The following RNPC3 variants were observed in gnomAD, a reference collection of about 807,000 sequenced individuals.
RNPC3 encodes RNA binding region (RNP1, RRM) containing 3.
Under a neutral mutation model 67.5 loss-of-function variants are expected in RNPC3, and 48 were observed. The ratio of observed to expected loss-of-function variants is 0.71; its 90% CI spans 0.56 to 0.90. RNPC3 has a LOEUF of 0.90. Among genes scored for constraint, RNPC3 ranks in the 40% least tolerant of loss-of-function variants. The pLI is 0.00. For synonymous variants in RNPC3, 239 were observed against 210.3 expected (o/e 1.14, Z -1.18); for missense variants, 637 against 626.1 (o/e 1.02, Z -0.19).
At chr1:103,548,632 C>G (rs886715944) in intron 12 of RNPC3, among the ~76,000 whole-genome samples, 1 of 152,214 alleles carries the variant, frequency 6.6e-6, no homozygotes, top group South Asian at 2.1e-4. Context: ...GAGTTCCAAA[C>G]TTTCCCACAT....
At chr1:103,549,537 CT>C (rs1161123464) in intron 12 of RNPC3, among the ~76,000 whole-genome samples, 1 of 152,112 alleles carries the variant, frequency 6.6e-6, no homozygotes, top group Non-Finnish European at 1.5e-5. Flanking sequence ...AATTACTTTA[CT>C]GCATTTTTTG....
chr1:103,551,774 G>A lies in RNPC3; in HGVS notation c.1548G>A (p.Lys516=), dbSNP rs918871938. 1 of 1,499,968 alleles carries A rather than the reference G, an allele frequency of 6.7e-7. No homozygotes were observed. Among genetic ancestry groups the A allele is most frequent in the Non-Finnish European group, 9.0e-7 (1 of 1,111,468 alleles). The allele number at this position is 1,499,968 out of a possible 1,614,324, so 92.9% of individuals were successfully genotyped here. ...PKQDPKEGKR[K]C is the part of the protein sequence containing the mutation. ...AAGATCCTAAGGAAGGAAAAAGAAAGTGTTAAAAATTAATAAAGGTAAGTG... is the reference window on the plus strand; with the variant it reads ...AAGATCCTAAGGAAGGAAAAAGAAAATGTTAAAAATTAATAAAGGTAAGTG... Residue 516 remains lysine (K), a synonymous_variant, in exon 14 of 15, where the codon AAG becomes AAA. Coordinates refer to ENST00000423855, the MANE Select transcript of RNPC3 (RefSeq NM_017619.4).
chr1:103,550,920 A>G, intron 12 of RNPC3, 21 bp from the exon 13 acceptor site: 5 of 1,607,098 alleles, frequency 3.1e-6, no homozygotes, highest in Non-Finnish European at 4.2e-6. Flanking sequence ...TCTTTGAATC[A>G]AAACTGTTTC....
At chr1:103,533,966 G>A in intron 3 of RNPC3, 109 bp downstream of exon 3, 1 of 662,416 alleles carries the variant, frequency 1.5e-6, no homozygotes. Context: ...GTAATTGGAA[G>A]AGGAATGACA....
intron 7 of RNPC3, among the ~76,000 whole-genome samples, chr1:103,539,731 A>C (rs950290762): frequency 1.8e-4 from 28 of 152,192 alleles, no homozygotes; most frequent in Non-Finnish European, 1.2e-4. Context: ...GACCTAAACA[A>C]AAGAAAAATG....
At chr1:103,544,513 C>A (rs1651198470) in intron 9 of RNPC3, among the ~76,000 whole-genome samples, 1 of 151,676 alleles carries the variant, frequency 6.6e-6, no homozygotes, top group Non-Finnish European at 1.5e-5. Context: ...TTTACTATTG[C>A]AGAAAATACT....
intron 12 of RNPC3, among the ~76,000 whole-genome samples, chr1:103,548,398 C>T (rs1651299632): frequency 6.6e-6 from 1 of 152,066 alleles, no homozygotes; most frequent in African/African-American, 2.4e-5. Context: ...CGACAGATAC[C>T]CTAAATCATC....
intron 6 of RNPC3, 74 bp downstream of exon 6, chr1:103,536,268 G>A: frequency 9.8e-7 from 1 of 1,022,210 alleles, no homozygotes; most frequent in Non-Finnish European, 1.5e-6. Context: ...AATTATACAG[G>A]TGTTGTAGCA....
chr1:103,546,357 AT>A lies in RNPC3; in HGVS notation c.1302+23del, dbSNP rs1215813434. ...TTCAAGAAAAGGTAGGTATAAATTG[AT>A]TTTTTTTCATGTAAATGAAAATAAT... On this transcript the variant is annotated intron_variant, in intron 11 of 14. Transcript: ENST00000423855. The A allele has an allele frequency of 4.2e-5, 51 of 1,223,594 alleles. No homozygotes were observed. The highest frequency in any genetic ancestry group is 7.6e-5 in the South Asian group (5 of 65,606). 75.8% of individuals were successfully genotyped at this position (1,223,594 alleles called of 1,614,324 possible). A position where few individuals can be genotyped will look rare whatever the true frequency, so the allele number is the denominator to read the frequency against.
intron 12 of RNPC3, 116 bp downstream of exon 12, chr1:103,547,151 C>G (rs7529928): frequency 0.64 from 399,831 of 625,886 alleles, 130,916 homozygotes; most frequent in African/African-American, 0.84. Context: ...TGAAAAAGTT[C>G]GTCTATTCTG....
chr1:103,532,011 T>TGA (rs1278740457), intron 2 of RNPC3, among the ~76,000 whole-genome samples: 1 of 152,178 alleles, frequency 6.6e-6, no homozygotes, highest in Non-Finnish European at 1.5e-5. Flanking sequence ...TTGTATAAGG[T>TGA]GAGAGATGAG....
intron 3 of RNPC3, 41 bp downstream of exon 3, chr1:103,533,898 A>G (rs1570617583): frequency 9.5e-7 from 1 of 1,052,064 alleles, no homozygotes. Context: ...TTACATTTTT[A>G]AAGTGTGTGT....
Position 103,525,914 on chromosome 1 carries a change from G to T in RNPC3, c.-157G>T, listed in dbSNP as rs1302084374. 2 of 624,782 alleles carry T rather than the reference G, an allele frequency of 3.2e-6. No individual in the cohort carries two copies. The highest frequency in any genetic ancestry group is 5.5e-6 in the Non-Finnish European group (2 of 365,846). 38.7% of individuals were successfully genotyped at this position (624,782 alleles called of 1,614,324 possible). On this transcript the variant is annotated 5_prime_UTR_variant, in exon 1 of 15. Coordinates refer to ENST00000423855, the MANE Select transcript of RNPC3 (RefSeq NM_017619.4). ...CGAAGGGTTGCCGCTTTTCGGTGGCGCAGTTCTCGCGAGAAGGTGACTTTC... is the reference window on the plus strand; with the variant it reads ...CGAAGGGTTGCCGCTTTTCGGTGGCTCAGTTCTCGCGAGAAGGTGACTTTC...
In RNPC3 at chr1:103,541,424, A is replaced by C. The variant is rs1275294150; in HGVS notation, c.842A>C (p.Lys281Thr). ...PKTIKQRHVR[K>T]KRKIKDMLNT... Reference sequence around the variant, plus strand: ...ACAATAAAGCAGCGCCATGTGAGAAAAAAGAGAAAAATAAAGGATATGTTG... The same window carrying C: ...ACAATAAAGCAGCGCCATGTGAGAACAAAGAGAAAAATAAAGGATATGTTG... Residue 281 changes from lysine to threonine, a missense_variant, in exon 8 of 15, where the codon AAA becomes ACA. Lys to Thr is a moderately conservative substitution (Grantham distance 78). Coordinates refer to ENST00000423855, the MANE Select transcript of RNPC3 (RefSeq NM_017619.4). The C allele has an allele frequency of 2.9e-5, 43 of 1,494,150 alleles. No individual in the cohort carries two copies. Among genetic ancestry groups the C allele is most frequent in the Non-Finnish European group, 3.6e-5 (41 of 1,133,304 alleles). 92.6% of individuals were successfully genotyped at this position (1,494,150 alleles called of 1,614,324 possible).
At position 103,547,114 on chromosome 1, in the gene RNPC3, A is replaced by G. The variant is rs1401781887; in HGVS notation, c.1361+79A>G. 6 of 776,014 alleles carry G rather than the reference A, an allele frequency of 7.7e-6. No homozygotes were observed. In the East Asian group the frequency reaches 9.1e-5, roughly 12 times the overall value. 48.1% of individuals were successfully genotyped at this position (776,014 alleles called of 1,614,324 possible). The stretch of plus-strand genomic sequence containing the variant: ...AATTTACCACTATTTTAATCCCATC[A>G]TTTTCCTTTTAGAGATAAAAATTAT... On this transcript the variant is annotated intron_variant, in intron 12 of 14. Transcript: ENST00000423855.
At chr1:103,533,391 T>G (rs1650907760) in intron 2 of RNPC3, among the ~76,000 whole-genome samples, 1 of 152,028 alleles carries the variant, frequency 6.6e-6, no homozygotes, top group Admixed American at 6.6e-5. Context: ...TAATAAGTAA[T>G]TTTGTGGCAT....
intron 9 of RNPC3, among the ~76,000 whole-genome samples, chr1:103,544,180 G>T (rs1651190524): frequency 6.6e-6 from 1 of 151,642 alleles, no homozygotes; most frequent in Non-Finnish European, 1.5e-5. Flanking sequence ...GTGTGTTTGT[G>T]TGTGTGTATG....
rs529359493 is a variant in RNPC3 at position 103,552,131 on chromosome 1, T to G, written c.*12+339T>G. On this transcript the variant is annotated intron_variant, in intron 14 of 14. Transcript: ENST00000423855. ...ATAAAACACAGATTCGTAGGTTCCTTCCTTCCCTGAAAGAGTTGATTTGGT... is the reference window on the plus strand; with the variant it reads ...ATAAAACACAGATTCGTAGGTTCCTGCCTTCCCTGAAAGAGTTGATTTGGT... 2.7e-4 allele frequency: 43 copies of G among 158,046 alleles called. No individual in the cohort carries two copies. In the South Asian group the frequency reaches 5.2e-3, roughly 19 times the overall value. The allele number at this position is 158,046 out of a possible 1,614,324, so 9.8% of individuals were successfully genotyped here.
intron 2 of RNPC3, among the ~76,000 whole-genome samples, chr1:103,528,531 T>G (rs1283058384): frequency 3.3e-5 from 5 of 152,028 alleles, no homozygotes. Flanking sequence ...TGAGAGAGAA[T>G]AGTTCAGGAT....
Sources: allele counts gnomAD v4.1 joint callset (sites outside exome capture counted in the v4.1 genomes callset), GRCh38; gene constraint gnomAD v4.1.1; transcripts MANE v1.5; gene names NCBI Gene and HGNC (gene_info 2026-07-23, HGNC 2026-07-21).